Variants in TMIGD2 observed in about 807,000 individuals in gnomAD.
TMIGD2 encodes the protein transmembrane and immunoglobulin domain containing 2, also known as transmembrane and immunoglobulin domain-containing protein 2.
A neutral mutation model predicts 22.6 loss-of-function variants in TMIGD2; 18 were observed. The ratio of observed to expected loss-of-function variants is 0.80; its 90% CI spans 0.55 to 1.18. The LOEUF (loss-of-function observed/expected upper bound fraction) is 1.18, where lower values mean the gene tolerates loss of function less well. Among genes scored for constraint, TMIGD2 ranks in the 50% most tolerant of loss-of-function variants. The pLI is 0.00. For synonymous variants in TMIGD2, 184 were observed against 154.1 expected, an observed-to-expected ratio of 1.19 and a Z score of -1.44; for missense variants, 361 against 378.2, an observed-to-expected ratio of 0.95 and a Z score of 0.38.
At chr19:4,292,800 C>T (rs1472237151) in exon 5 of TMIGD2, 1 of 1,613,416 alleles carries the variant, frequency 6.2e-7, no homozygotes, top group Admixed American at 1.7e-5. Context: ...TCTGGCCCCT[C>T]TGGTCCTTCC....
rs148413706 is a variant in TMIGD2, at chr19:4,299,248, A to G, written c.47-903T>C. Among the ~76,000 whole-genome samples, 399 of 150,994 alleles carry G rather than the reference A, an allele frequency of 2.6e-3. 1 individual carries two copies. Among genetic ancestry groups the G allele is most frequent in the African/African-American group, 9.4e-3 (385 of 41,116 alleles). ...CAGCCCTGAACTCCTGGGCTAAAGTAATCCTCCTACCTCAGCCTCCCAAGT... is the reference window on the plus strand; with the variant it reads ...CAGCCCTGAACTCCTGGGCTAAAGTGATCCTCCTACCTCAGCCTCCCAAGT... On this transcript the variant is annotated intron_variant, in intron 1 of 4. Transcript: ENST00000301272.
exon 5 of TMIGD2, chr19:4,292,351 GT>G: frequency 7.2e-5 from 34 of 473,248 alleles, no homozygotes; most frequent in Middle Eastern, 6.0e-4. Flanking sequence ...CCTGCTTTTT[GT>G]TTTTTTTGAG....
exon 5 of TMIGD2, chr19:4,292,267 A>G: frequency 3.2e-6 from 1 of 311,170 alleles, no homozygotes; most frequent in Non-Finnish European, 6.0e-6. Flanking sequence ...TTCTTGGGGG[A>G]AAGTGGGAGC....
exon 1 of TMIGD2, chr19:4,302,344 G>T (rs1170484404): frequency 6.3e-7 from 1 of 1,575,236 alleles, no homozygotes; most frequent in Non-Finnish European, 8.6e-7. Context: ...ACTCACCCCA[G>T]ATCTGCACCA....
In TMIGD2 at chr19:4,292,753, C is replaced by A; in HGVS notation, c.695G>T (p.Arg232Leu). ...GGGTCTTGACGCCAGGTGCGGCTGG[C>A]GGGGGGCCGGTTGCGGGAAGGAGGT... The change falls in exon 5 of 5, where the codon CGC becomes CTC. Residue 232 changes from arginine (R) to leucine (L), a missense_variant. Arg to Leu is a moderately radical substitution (Grantham distance 102). Transcript: ENST00000301272. The A allele has an allele frequency of 1.9e-6, 3 of 1,608,822 alleles. No homozygotes were observed. The South Asian group carries it at 3.3e-5, about 18-fold the overall frequency.
chr19:4,302,265 C>G (rs936370031), intron 1 of TMIGD2, 75 bp downstream of exon 1: 1 of 1,480,924 alleles, frequency 6.8e-7, no homozygotes. Flanking sequence ...TTAGAGGGGC[C>G]CTGAGCTGGG....
chr19:4,292,981 T>G (rs1599520398), intron 4 of TMIGD2, 96 bp from the exon 5 acceptor site: 5 of 1,531,142 alleles, frequency 3.3e-6, no homozygotes, highest in African/African-American at 2.8e-5. Context: ...TTTTTTTCTG[T>G]GAGACGGAGT....
At chr19:4,293,863 G>A (rs1024562797) in intron 4 of TMIGD2, among the ~76,000 whole-genome samples, 9 of 151,968 alleles carry the variant, frequency 5.9e-5, no homozygotes, top group African/African-American at 9.7e-5. Flanking sequence ...CTGGGTTCCA[G>A]TGATTCTCCT....
intron 2 of TMIGD2, 49 bp downstream of exon 2, chr19:4,297,937 T>G (rs772670329): frequency 2.0e-6 from 3 of 1,506,442 alleles, no homozygotes; most frequent in Non-Finnish European, 2.7e-6. Context: ...AGTCTTAAGA[T>G]TCTAGGATCC....
intron 2 of TMIGD2, 121 bp from the exon 3 acceptor site, chr19:4,294,937 T>C: frequency 3.9e-6 from 4 of 1,029,296 alleles, no homozygotes; most frequent in Non-Finnish European, 5.4e-6. Flanking sequence ...TGGGCAAGTG[T>C]TCACTCTGAA....
chr19:4,297,366 G>T (rs1971474946), intron 2 of TMIGD2, among the ~76,000 whole-genome samples: 1 of 151,320 alleles, frequency 6.6e-6, no homozygotes, highest in South Asian at 2.1e-4. Flanking sequence ...ACCGCGCCCA[G>T]CTGATGGCTT....
At position 4,296,203 on chromosome 19, in the gene TMIGD2, G is replaced by A. The variant is rs1195739466; in HGVS notation, c.407-1387C>T. Among the ~76,000 whole-genome samples the A allele has an allele frequency of 4.6e-5, 7 of 152,300 alleles. No individual in the cohort carries two copies. In the East Asian group the frequency reaches 1.3e-3, roughly 29 times the overall value. Reference sequence around the variant, plus strand: ...CAAAGTGCTGGGATATCAGGCGTGAGCCACTGCACTTGGATTATAGCAAGC... The same window carrying A: ...CAAAGTGCTGGGATATCAGGCGTGAACCACTGCACTTGGATTATAGCAAGC... On this transcript the variant is annotated intron_variant, in intron 2 of 4. Transcript: ENST00000301272.
intron 2 of TMIGD2, among the ~76,000 whole-genome samples, chr19:4,297,345 A>G (rs989671498): frequency 1.3e-5 from 2 of 151,476 alleles, no homozygotes; most frequent in Non-Finnish European, 2.9e-5. Context: ...CTAGGATTAC[A>G]GGGATGAGCT....
In TMIGD2 at chr19:4,298,915, A is replaced by G. The variant is rs566177267; in HGVS notation, c.47-570T>C. Among the ~76,000 whole-genome samples, 3 of 152,314 alleles carry G rather than the reference A, an allele frequency of 2.0e-5. No homozygotes were observed. In the South Asian group the frequency reaches 6.2e-4, roughly 32 times the overall value. On this transcript the variant is annotated intron_variant, in intron 1 of 4. Transcript: ENST00000301272. ...ACACAAATACCGCCTAGTATATGCC[A>G]GGCCCTATGCTGGGTGTGGGGAACA...
chr19:4,299,190 G>A (rs1045955130), intron 1 of TMIGD2, among the ~76,000 whole-genome samples: 2 of 151,826 alleles, frequency 1.3e-5, no homozygotes, highest in Non-Finnish European at 2.9e-5. Flanking sequence ...TATAGTCCAG[G>A]CTGGAGTGCA....
intron 1 of TMIGD2, among the ~76,000 whole-genome samples, chr19:4,300,973 T>G (rs1971529135): frequency 6.6e-6 from 1 of 152,102 alleles, no homozygotes; most frequent in African/African-American, 2.4e-5. Context: ...TTTTTGTTTT[T>G]GTTTTTGTTT....
intron 4 of TMIGD2, among the ~76,000 whole-genome samples, chr19:4,294,102 C>T (rs1568372258): frequency 6.7e-6 from 1 of 149,856 alleles, no homozygotes; most frequent in Non-Finnish European, 1.5e-5. Flanking sequence ...GCGTCTTGCT[C>T]TGTCACCCAG....
intron 2 of TMIGD2, among the ~76,000 whole-genome samples, chr19:4,295,352 C>T (rs916577206): frequency 1.7e-4 from 25 of 150,346 alleles, no homozygotes; most frequent in African/African-American, 4.9e-4. Context: ...CAAGGTCAGG[C>T]GATCGAGACC....
chr19:4,297,468 C>T (rs993947723), intron 2 of TMIGD2, among the ~76,000 whole-genome samples: 1 of 152,192 alleles, frequency 6.6e-6, no homozygotes, highest in African/African-American at 2.4e-5. Flanking sequence ...CTCCTGGGCT[C>T]AGGTGATCCT....
Sources: gnomAD v4.1 joint callset for allele counts (sites outside exome capture counted in the v4.1 genomes callset) on GRCh38, gnomAD v4.1.1 for gene constraint, MANE v1.5 for transcripts, NCBI Gene and HGNC (gene_info 2026-07-23, HGNC 2026-07-21) for gene names.